Variants in ATP9B observed in about 807,000 individuals in gnomAD.
The protein encoded by ATP9B is ATPase phospholipid transporting 9B.
A neutral mutation model predicts 146.1 loss-of-function variants in ATP9B; 110 were observed. The ratio of observed to expected loss-of-function variants is 0.75; its 90% CI spans 0.65 to 0.88. ATP9B has a LOEUF of 0.88. ATP9B is among the 40% of genes least tolerant of loss of function. The pLI is 0.00. For missense variants in ATP9B, 1,499 were observed against 1,496.4 expected (o/e 1.00, Z -0.03); for synonymous variants, 604 against 569.7 (o/e 1.06, Z -0.86).
At chr18:79,369,448 G>A (rs2097055931) in intron 26 of ATP9B, among the ~76,000 whole-genome samples, 1 of 151,556 alleles carries the variant, frequency 6.6e-6, no homozygotes, top group South Asian at 2.1e-4. Context: ...TAGGAGAATG[G>A]CGTGAACCCG....
chr18:79,273,920 T>C (rs917284350), intron 12 of ATP9B, among the ~76,000 whole-genome samples: 1 of 152,228 alleles, frequency 6.6e-6, no homozygotes, highest in Admixed American at 6.5e-5. Flanking sequence ...CTCCTAACAT[T>C]GCTGAACACA....
chr18:79,346,994 G>C (rs928546217), intron 23 of ATP9B, among the ~76,000 whole-genome samples: 1 of 152,254 alleles, frequency 6.6e-6, no homozygotes, highest in Admixed American at 6.5e-5. Context: ...TGGCGGACTG[G>C]CGTACAGGGA....
chr18:79,075,001 G>A (rs1242524609), intron 1 of ATP9B, among the ~76,000 whole-genome samples: 2 of 152,032 alleles, frequency 1.3e-5, no homozygotes, highest in East Asian at 3.9e-4. Context: ...TTATTTTGCT[G>A]TTAAATGTTG....
At chr18:79,182,382 A>G (rs2095261575) in intron 8 of ATP9B, among the ~76,000 whole-genome samples, 1 of 152,188 alleles carries the variant, frequency 6.6e-6, no homozygotes, top group Non-Finnish European at 1.5e-5. Flanking sequence ...TATTTCTGCA[A>G]TTCTGTTTCT....
chr18:79,245,783 C>G (rs62101140), intron 11 of ATP9B, among the ~76,000 whole-genome samples: 1 of 106,086 alleles, frequency 9.4e-6, no homozygotes, highest in African/African-American at 3.3e-5. Context: ...CTGAGGAGGG[C>G]ACCACCCTAC....
rs540165986 is a variant in ATP9B, at chr18:79,225,843, G to A, written c.1107+11805G>A. Among the ~76,000 whole-genome samples the A allele has an allele frequency of 1.3e-3, 179 of 141,098 alleles. 3 individuals are homozygous for A. Among genetic ancestry groups the A allele is most frequent in the Non-Finnish European group, 2.3e-3 (149 of 64,294 alleles). 92.6% of individuals were successfully genotyped at this position (141,098 alleles called of 152,430 possible). ...GTCTTCAGCGTCTGAGTGACTGTTG[G>A]GTCCCGCAGTCGCAGGGCGGCCACT... On this transcript the variant is annotated intron_variant, in intron 11 of 29. Transcript: ENST00000426216.
chr18:79,349,902 C>T (rs1331838633), intron 25 of ATP9B, among the ~76,000 whole-genome samples: 2 of 151,370 alleles, frequency 1.3e-5, no homozygotes, highest in African/African-American at 4.9e-5. Context: ...GCACCCCCCC[C>T]CCCACCATGC....
intron 25 of ATP9B, among the ~76,000 whole-genome samples, chr18:79,352,238 C>T (rs2096926287): frequency 6.6e-6 from 1 of 152,160 alleles, no homozygotes; most frequent in Non-Finnish European, 1.5e-5. Context: ...AGATGGATAG[C>T]CTGTGAGTGC....
intron 7 of ATP9B, among the ~76,000 whole-genome samples, chr18:79,159,973 C>G (rs1477733864): frequency 2.0e-5 from 3 of 152,204 alleles, no homozygotes; most frequent in South Asian, 2.1e-4. Context: ...TTCCATCGAT[C>G]TCTGCCTGTT....
At chr18:79,207,298 T>G (rs2095543692) in intron 10 of ATP9B, among the ~76,000 whole-genome samples, 2 of 152,172 alleles carry the variant, frequency 1.3e-5, no homozygotes, top group South Asian at 4.1e-4. Flanking sequence ...ACCTGTTTCT[T>G]GACAAACTTG....
At chr18:79,217,475 C>T (rs189673812) in intron 11 of ATP9B, among the ~76,000 whole-genome samples, 49 of 152,356 alleles carry the variant, frequency 3.2e-4, no homozygotes, top group Non-Finnish European at 4.0e-4. Context: ...TGAGCCACTG[C>T]GCCCCGCCAG....
chr18:79,375,126 G>A (rs1400503518), intron 28 of ATP9B, among the ~76,000 whole-genome samples: 1 of 152,240 alleles, frequency 6.6e-6, no homozygotes, highest in Non-Finnish European at 1.5e-5. Flanking sequence ...GCTCCTCTCA[G>A]ACCTGGATAG....
chr18:79,333,349 T>G (rs2096802007), intron 17 of ATP9B, among the ~76,000 whole-genome samples: 1 of 152,226 alleles, frequency 6.6e-6, no homozygotes, highest in African/African-American at 2.4e-5. Context: ...GGAGCCTTCC[T>G]TAGGGACACT....
chr18:79,285,675 G>C (rs1471605251), intron 13 of ATP9B, among the ~76,000 whole-genome samples: 4 of 152,240 alleles, frequency 2.6e-5, no homozygotes, highest in African/African-American at 9.6e-5. Flanking sequence ...TGGTGTTTTA[G>C]ACATGAAGTC....
chr18:79,110,976 A>T (rs914193396), intron 3 of ATP9B, among the ~76,000 whole-genome samples: 3 of 152,232 alleles, frequency 2.0e-5, no homozygotes, highest in Non-Finnish European at 4.4e-5. Context: ...GCATATTTAT[A>T]TATAGATGTC....
chr18:79,118,390 GTTT>G lies in ATP9B; in HGVS notation c.558+5062_558+5064del, dbSNP rs752788043. On this transcript the variant is annotated intron_variant, in intron 4 of 29. Coordinates refer to ENST00000426216, the MANE Select transcript of ATP9B (RefSeq NM_198531.5). ...AAACACAATCATATTGAACGTTTTT[GTTT>G]TTTTTTTTTTTTTTTTTTTTTTTTT... Among the ~76,000 whole-genome samples, 25 of 93,278 alleles carry G rather than the reference GTTT, an allele frequency of 2.7e-4. 1 individual carries two copies. The highest frequency in any genetic ancestry group is 9.0e-4 in the African/African-American group (23 of 25,660). The allele number at this position is 93,278 out of a possible 152,430, so 61.2% of individuals were successfully genotyped here.
At chr18:79,146,694 C>T in intron 6 of ATP9B, 1 of 214,462 alleles carries the variant, frequency 4.7e-6, no homozygotes, top group Non-Finnish European at 9.5e-6. Flanking sequence ...TGTCTCATCC[C>T]TGACCACGTG....
At chr18:79,331,409 T>G (rs1250095934) in intron 17 of ATP9B, among the ~76,000 whole-genome samples, 2 of 152,254 alleles carry the variant, frequency 1.3e-5, no homozygotes, top group Non-Finnish European at 2.9e-5. Context: ...TTAATTTATT[T>G]AGCTTTATGA....
chr18:79,246,934 A>T (rs2095973621), intron 11 of ATP9B, among the ~76,000 whole-genome samples: 1 of 152,226 alleles, frequency 6.6e-6, no homozygotes, highest in African/African-American at 2.4e-5. Flanking sequence ...TAGAAAATGG[A>T]TAGGCTTATC....
Sources: gnomAD v4.1 joint callset for allele counts (sites outside exome capture counted in the v4.1 genomes callset) on GRCh38, gnomAD v4.1.1 for gene constraint, MANE v1.5 for transcripts, NCBI Gene and HGNC (gene_info 2026-07-23, HGNC 2026-07-21) for gene names.